Variants in CHD1L observed in about 807,000 individuals in gnomAD.
The protein encoded by CHD1L is ATP-dependent chromatin remodeler CHD1L.
A neutral mutation model predicts 115.9 loss-of-function variants in CHD1L; 118 were observed. The observed-to-expected ratio is 1.02, with a 90% CI of 0.88 to 1.19. CHD1L has a LOEUF of 1.19. CHD1L is among the 50% of genes most tolerant of loss of function. CHD1L has a pLI of 0.00. For missense variants in CHD1L, 1,179 were observed against 1,065.3 expected, an observed-to-expected ratio of 1.11 and a Z score of -1.49; for synonymous variants, 411 against 387.1, an observed-to-expected ratio of 1.06 and a Z score of -0.72.
intron 6 of CHD1L, among the ~76,000 whole-genome samples, chr1:147,262,312 A>G (rs782652734): frequency 1.3e-5 from 2 of 152,324 alleles, no homozygotes; most frequent in South Asian, 2.1e-4. Context: ...ACCAAGAACA[A>G]TTATGTAGAA....
At chr1:147,232,103 C>A in the CHD1L span, among the ~76,000 whole-genome samples, 1 of 152,170 alleles carries the variant, frequency 6.6e-6, no homozygotes, top group Non-Finnish European at 1.5e-5. Context: ...TAAATGGCAT[C>A]TTTGTAAGAT....
the CHD1L span, among the ~76,000 whole-genome samples, chr1:147,202,063 T>C: frequency 1.3e-5 from 2 of 152,278 alleles, no homozygotes; most frequent in Admixed American, 6.5e-5. Context: ...AATGAGGGAA[T>C]TGAGGCCTAG....
the CHD1L span, among the ~76,000 whole-genome samples, chr1:147,227,883 C>A: frequency 6.6e-6 from 1 of 152,124 alleles, no homozygotes; most frequent in Non-Finnish European, 1.5e-5. Flanking sequence ...TGCATTTTGC[C>A]CATATTCATT....
the CHD1L span, among the ~76,000 whole-genome samples, chr1:147,194,856 A>T: frequency 6.6e-6 from 1 of 152,096 alleles, no homozygotes; most frequent in African/African-American, 2.4e-5. Context: ...TCTGGCTTGT[A>T]GAGTTACTGC....
At chr1:147,184,301 C>T in the CHD1L span, 1 of 473,748 alleles carries the variant, frequency 2.1e-6, no homozygotes, top group Non-Finnish European at 3.4e-6. This position sits in a 1 kb window ranked among gnomAD's most constrained non-coding sequence, Gnocchi z 4.4. Context: ...ACAGCATTCT[C>T]ATGTACCCCA....
At chr1:147,246,300 G>A (rs1230693986) in intron 1 of CHD1L, among the ~76,000 whole-genome samples, 2 of 152,174 alleles carry the variant, frequency 1.3e-5, no homozygotes, top group African/African-American at 4.8e-5. Context: ...CTCACCCACT[G>A]AAGGATATCT....
chr1:147,288,504 A>G (rs1390404684), intron 19 of CHD1L, among the ~76,000 whole-genome samples: 1 of 151,688 alleles, frequency 6.6e-6, no homozygotes, highest in Admixed American at 6.6e-5. Context: ...AATATGGCAA[A>G]GCCCTGTCTC....
At chr1:147,216,418 A>AAATT in the CHD1L span, among the ~76,000 whole-genome samples, 1 of 152,212 alleles carries the variant, frequency 6.6e-6, no homozygotes, top group Non-Finnish European at 1.5e-5. Context: ...ACTGAGTAAT[A>AAATT]GTCTTTTAAA....
At chr1:147,288,347 G>GAAAAAAGA (rs1304714956) in intron 19 of CHD1L, among the ~76,000 whole-genome samples, 2 of 122,404 alleles carry the variant, frequency 1.6e-5, no homozygotes, top group Non-Finnish European at 3.2e-5. Flanking sequence ...AAAAAAAAAA[G>GAAAAAAGA]AAAAAGAGAA....
chr1:147,207,900 AC>A, the CHD1L span, among the ~76,000 whole-genome samples: 4 of 152,128 alleles, frequency 2.6e-5, no homozygotes, highest in African/African-American at 9.7e-5. Context: ...ATCTTGTCTC[AC>A]CACTGCCTGA....
At chr1:147,173,699 A>C in the CHD1L span, 1 of 152,198 alleles carries the variant, frequency 6.6e-6, no homozygotes, top group South Asian at 2.1e-4. Context: ...ACTCTGTGTT[A>C]CACAGACCAG....
intron 12 of CHD1L, among the ~76,000 whole-genome samples, chr1:147,275,114 C>T (rs1677829139): frequency 6.6e-6 from 1 of 152,206 alleles, no homozygotes. Context: ...CTTGCCCCTG[C>T]TCCGCTCATT....
chr1:147,177,855 T>C, the CHD1L span, among the ~76,000 whole-genome samples: 1 of 152,130 alleles, frequency 6.6e-6, no homozygotes, highest in African/African-American at 2.4e-5. Context: ...TAGGTTAAAC[T>C]AAATCAAACT....
chr1:147,271,074 G>T (rs145758654), intron 11 of CHD1L, 69 bp downstream of exon 11: 5 of 1,231,772 alleles, frequency 4.1e-6, no homozygotes, highest in Admixed American at 1.8e-5. Context: ...GGTCCATGAA[G>T]AATAATATGG....
At chr1:147,182,560 T>C in the CHD1L span, among the ~76,000 whole-genome samples, 2 of 152,210 alleles carry the variant, frequency 1.3e-5, no homozygotes, top group African/African-American at 4.8e-5. Context: ...GACTAAGACA[T>C]TGGATTGGTG....
intron 10 of CHD1L, among the ~76,000 whole-genome samples, chr1:147,269,166 C>T (rs1004541228): frequency 5.3e-5 from 8 of 152,106 alleles, no homozygotes; most frequent in Admixed American, 1.3e-4. Context: ...TTATGTTTAC[C>T]GTTATCATTC....
intron 1 of CHD1L, among the ~76,000 whole-genome samples, chr1:147,251,889 T>A (rs1281574269): frequency 6.6e-6 from 1 of 152,242 alleles, no homozygotes; most frequent in East Asian, 1.9e-4. Flanking sequence ...ACTTATTTTT[T>A]AAATTTTGTA....
intron 19 of CHD1L, among the ~76,000 whole-genome samples, 162 bp downstream of exon 19, chr1:147,287,895 C>G (rs1683876260): frequency 6.6e-6 from 1 of 152,226 alleles, no homozygotes; most frequent in South Asian, 2.1e-4. Flanking sequence ...GACTTCAAGG[C>G]ATTCCTTTAC....
At chr1:147,268,102 A>G (rs1559798945) in intron 9 of CHD1L, among the ~76,000 whole-genome samples, 2 of 152,116 alleles carry the variant, frequency 1.3e-5, no homozygotes, top group Non-Finnish European at 2.9e-5. Context: ...TCTGGGATAT[A>G]CTTTCTCTTC....
Sources: allele counts gnomAD v4.1 joint callset (sites outside exome capture counted in the v4.1 genomes callset), GRCh38; gene constraint gnomAD v4.1.1; non-coding constraint Gnocchi (gnomAD v3.1); transcripts MANE v1.5; gene names NCBI Gene and HGNC (gene_info 2026-07-23, HGNC 2026-07-21).